PLCG2: variants seen among roughly 807,000 people sequenced by gnomAD.
PLCG2 encodes the protein phospholipase C gamma 2, also known as 1-phosphatidylinositol 4,5-bisphosphate phosphodiesterase gamma-2.
Under a neutral mutation model 175.6 loss-of-function variants are expected in PLCG2, and 69 were observed. That is an observed-to-expected ratio of 0.39 (90% CI 0.32 to 0.48). PLCG2 has a LOEUF of 0.48. Among genes scored for constraint, PLCG2 ranks in the 20% least tolerant of loss-of-function variants. The pLI is 0.91. For synonymous variants in PLCG2, 827 were observed against 624.0 expected, an observed-to-expected ratio of 1.33 and a Z score of -4.85; for missense variants, 1,798 against 1,650.9, an observed-to-expected ratio of 1.09 and a Z score of -1.54.
chr16:81,927,133 C>T lies in PLCG2; in HGVS notation c.2469C>T (p.Tyr823=), dbSNP rs376517417. 19 of 1,613,770 alleles carry T rather than the reference C, an allele frequency of 1.2e-5. No individual in the cohort carries two copies. The African/African-American group carries it at 1.2e-4, about 10-fold the overall frequency. ...TCCAGCAGTACTTCCCATCCAACTACGTCGAGGACATCTCAACTGCAGACT... is the reference window on the plus strand; with the variant it reads ...TCCAGCAGTACTTCCCATCCAACTATGTCGAGGACATCTCAACTGCAGACT... ...TRIQQYFPSN[Y]VEDISTADFE... The change falls in exon 23 of 33, where the codon TAC becomes TAT. Residue 823 remains tyrosine, a synonymous_variant. Transcript: ENST00000564138.
chr16:81,816,566 C>A (rs995048876), intron 2 of PLCG2, among the ~76,000 whole-genome samples: 4 of 151,064 alleles, frequency 2.6e-5, no homozygotes, highest in African/African-American at 9.8e-5. Context: ...ACTGCCTTGA[C>A]CTCCTGGGCT....
At chr16:81,807,059 C>A (rs1202739911) in intron 2 of PLCG2, among the ~76,000 whole-genome samples, 1 of 152,190 alleles carries the variant, frequency 6.6e-6, no homozygotes, top group Non-Finnish European at 1.5e-5. Context: ...GTCCATTCTA[C>A]CTTCTCGCCA....
chr16:81,845,672 G>A (rs747447155), intron 2 of PLCG2, among the ~76,000 whole-genome samples: 14 of 152,198 alleles, frequency 9.2e-5, no homozygotes, highest in Non-Finnish European at 1.6e-4. Flanking sequence ...TGCGTTGAGC[G>A]CAGTGGGCCT....
intron 2 of PLCG2, among the ~76,000 whole-genome samples, chr16:81,814,836 C>G (rs560630107): frequency 9.2e-5 from 14 of 152,294 alleles, no homozygotes; most frequent in Non-Finnish European, 1.5e-5. Flanking sequence ...GTTTCTTTGT[C>G]TCTGCAGTGG....
intron 13 of PLCG2, 64 bp downstream of exon 13, chr16:81,895,991 G>C: frequency 6.3e-7 from 1 of 1,596,036 alleles, no homozygotes; most frequent in Non-Finnish European, 8.6e-7. Context: ...TGGATAGACA[G>C]ATGGACAGAC....
At chr16:81,941,871 A>C (rs1910956079) in intron 30 of PLCG2, among the ~76,000 whole-genome samples, 1 of 152,028 alleles carries the variant, frequency 6.6e-6, no homozygotes, top group African/African-American at 2.4e-5. Flanking sequence ...GGGTTTTGCC[A>C]TGTTGGTCTG....
chr16:81,952,823 G>T (rs1212273887), intron 31 of PLCG2, among the ~76,000 whole-genome samples: 1 of 152,198 alleles, frequency 6.6e-6, no homozygotes, highest in African/African-American at 2.4e-5. Flanking sequence ...AATGCAAAAT[G>T]AAAGTTGGAG....
rs181140433 is a variant in PLCG2 at position 81,891,667 on chromosome 16, C to T, written c.986+77C>T. On this transcript the variant is annotated intron_variant, in intron 11 of 32. Transcript: ENST00000564138. ...GTTGAGGCAGGGGTCCGATACGCCG[C>T]TCCGGTGAGCCCTGTTGTGAAGCAG... 7 of 811,688 alleles carry T rather than the reference C, an allele frequency of 8.6e-6. No homozygotes were observed. The African/African-American group carries it at 1.0e-4, about 12-fold the overall frequency. 50.3% of individuals were successfully genotyped at this position (811,688 alleles called of 1,614,324 possible).
At chr16:81,949,019 C>T (rs12444401) in intron 31 of PLCG2, among the ~76,000 whole-genome samples, 2 of 151,988 alleles carry the variant, frequency 1.3e-5, no homozygotes, top group Non-Finnish European at 2.9e-5. Context: ...GAGAATAGAC[C>T]TGATTTGTTG....
intron 2 of PLCG2, among the ~76,000 whole-genome samples, chr16:81,848,398 G>T (rs573270381): frequency 6.6e-6 from 1 of 152,176 alleles, no homozygotes; most frequent in Admixed American, 6.5e-5. Context: ...CCTTTGGAAG[G>T]GGGTGTGCGG....
intron 1 of PLCG2, among the ~76,000 whole-genome samples, chr16:81,743,780 C>T (rs1466990600): frequency 6.6e-6 from 1 of 152,156 alleles, no homozygotes; most frequent in Non-Finnish European, 1.5e-5. Context: ...GTCCCAATGA[C>T]ATTGTTGGAG....
chr16:81,934,104 G>T (rs889529098), intron 25 of PLCG2, among the ~76,000 whole-genome samples: 1 of 152,174 alleles, frequency 6.6e-6, no homozygotes, highest in African/African-American at 2.4e-5. Flanking sequence ...GGCTTTAGGG[G>T]AGGGGACAGG....
At chr16:81,793,961 C>T (rs1021933197) in intron 2 of PLCG2, among the ~76,000 whole-genome samples, 10 of 152,208 alleles carry the variant, frequency 6.6e-5, no homozygotes, top group South Asian at 4.1e-4. Flanking sequence ...ATCTCAAAGA[C>T]GTATCAGATC....
intron 9 of PLCG2, among the ~76,000 whole-genome samples, chr16:81,886,831 G>A (rs1199711043): frequency 6.6e-6 from 1 of 152,186 alleles, no homozygotes; most frequent in Non-Finnish European, 1.5e-5. Flanking sequence ...TCAGTGCTCA[G>A]TGTTGATGGC....
chr16:81,856,887 A>T (rs1341441618), intron 3 of PLCG2, among the ~76,000 whole-genome samples: 1 of 152,176 alleles, frequency 6.6e-6, no homozygotes. Context: ...TTCCCAGAGA[A>T]AGAGATGTGA....
chr16:81,932,112 G>GC (rs1356072343), intron 25 of PLCG2, among the ~76,000 whole-genome samples: 1 of 152,140 alleles, frequency 6.6e-6, no homozygotes, highest in African/African-American at 2.4e-5. Flanking sequence ...TCCGGTGGAG[G>GC]AACTTCCCCT....
chr16:81,831,005 C>T (rs1905237963), intron 2 of PLCG2, among the ~76,000 whole-genome samples: 1 of 152,158 alleles, frequency 6.6e-6, no homozygotes, highest in Non-Finnish European at 1.5e-5. Context: ...ACATTTCCAT[C>T]TTGGGGCCTT....
intron 19 of PLCG2, among the ~76,000 whole-genome samples, chr16:81,914,378 A>G (rs1301523952): frequency 6.6e-6 from 1 of 152,118 alleles, no homozygotes; most frequent in African/African-American, 2.4e-5. Flanking sequence ...GGCAGAAAGG[A>G]TGGCCCCCTC....
intron 2 of PLCG2, among the ~76,000 whole-genome samples, chr16:81,757,512 C>A (rs903973893): frequency 6.6e-6 from 1 of 151,432 alleles, no homozygotes; most frequent in Non-Finnish European, 1.5e-5. Flanking sequence ...GCAGAAGAGC[C>A]GAGAAAGCGC....
Sources: gnomAD v4.1 joint callset for allele counts (sites outside exome capture counted in the v4.1 genomes callset) on GRCh38, gnomAD v4.1.1 for gene constraint, MANE v1.5 for transcripts, NCBI Gene and HGNC (gene_info 2026-07-23, HGNC 2026-07-21) for gene names.